SLCO1B3: variants seen among roughly 807,000 people sequenced by gnomAD.
The protein encoded by SLCO1B3 is solute carrier organic anion transporter family member 1B3, also known as liver-specific organic anion transporter 2.
SLCO1B3 carries 72 observed loss-of-function variants against 71.8 expected under a neutral mutation model. The observed-to-expected ratio is 1.00, with a 90% CI of 0.83 to 1.22. The LOEUF is 1.22. Among genes scored for constraint, SLCO1B3 ranks in the 50% most tolerant of loss-of-function variants. The probability of loss-of-function intolerance (pLI) is 0.00; values close to 1 mark genes in which losing one functional copy is unlikely to be tolerated. For missense variants in SLCO1B3, 911 were observed against 819.7 expected, an observed-to-expected ratio of 1.11 and a Z score of -1.36; for synonymous variants, 298 against 278.4, an observed-to-expected ratio of 1.07 and a Z score of -0.70.
chr12:20,874,389 A>C (rs1002777759), intron 8 of SLCO1B3, among the ~76,000 whole-genome samples: 3 of 152,100 alleles, frequency 2.0e-5, no homozygotes, highest in Non-Finnish European at 4.4e-5. Flanking sequence ...ATGTATAGCA[A>C]TCTCTCAGTT....
At chr12:20,830,409 T>A (rs1421925101) in intron 3 of SLCO1B3, among the ~76,000 whole-genome samples, 2 of 151,824 alleles carry the variant, frequency 1.3e-5, no homozygotes, top group East Asian at 3.9e-4. Context: ...GAAGGAGAGG[T>A]GAGGGTATGT....
intron 3 of SLCO1B3, among the ~76,000 whole-genome samples, chr12:20,817,868 C>A (rs934900690): frequency 3.3e-5 from 5 of 152,182 alleles, no homozygotes; most frequent in Non-Finnish European, 5.9e-5. Flanking sequence ...GGGATTACAG[C>A]TTGAGCCACC....
intron 3 of SLCO1B3, among the ~76,000 whole-genome samples, chr12:20,825,642 T>C (rs1008063242): frequency 6.6e-6 from 1 of 151,580 alleles, no homozygotes; most frequent in Non-Finnish European, 1.5e-5. Context: ...TTAATAAATA[T>C]ACAAAAATTA....
intron 3 of SLCO1B3, among the ~76,000 whole-genome samples, chr12:20,838,869 A>G (rs1037893514): frequency 9.9e-5 from 15 of 151,880 alleles, no homozygotes; most frequent in African/African-American, 2.7e-4. Context: ...CTATATTTGT[A>G]TTCCACTCTT....
At chr12:20,865,040 G>T (rs1865344154) in intron 8 of SLCO1B3, among the ~76,000 whole-genome samples, 2 of 152,030 alleles carry the variant, frequency 1.3e-5, no homozygotes, top group African/African-American at 4.8e-5. Flanking sequence ...GAGAATCCAG[G>T]AACCAAGATT....
intron 13 of SLCO1B3, among the ~76,000 whole-genome samples, chr12:20,896,739 G>A (rs540349356): frequency 2.0e-5 from 3 of 151,980 alleles, no homozygotes; most frequent in East Asian, 1.9e-4. Context: ...TTTTAGCAAC[G>A]TCCCACTCTA....
At chr12:20,836,736 G>A (rs576504315) in intron 3 of SLCO1B3, among the ~76,000 whole-genome samples, 10 of 152,070 alleles carry the variant, frequency 6.6e-5, no homozygotes, top group East Asian at 1.9e-4. Flanking sequence ...CTGCCTCCCT[G>A]GTTCATGCCA....
intron 5 of SLCO1B3, chr12:20,859,048 T>C (rs1469892822): frequency 6.6e-6 from 1 of 152,440 alleles, no homozygotes; most frequent in African/African-American, 2.4e-5. Flanking sequence ...TTAAATAAGA[T>C]AGAAGTTTAT....
At chr12:20,826,559 T>C (rs1864426467) in intron 3 of SLCO1B3, among the ~76,000 whole-genome samples, 1 of 151,860 alleles carries the variant, frequency 6.6e-6, no homozygotes, top group Admixed American at 6.6e-5. Context: ...GATCACTTTT[T>C]TTTTTACTCA....
intron 3 of SLCO1B3, among the ~76,000 whole-genome samples, chr12:20,850,514 C>T (rs1340306535): frequency 6.6e-6 from 1 of 152,044 alleles, no homozygotes; most frequent in Non-Finnish European, 1.5e-5. Flanking sequence ...GATCTCCTGA[C>T]CTCGTGATCC....
Position 20,901,395 on chromosome 12 carries a change from CAT to C in SLCO1B3, c.1794_1795del (p.Cys599TyrfsTer15), listed in dbSNP as rs766686725. On this transcript the variant is annotated frameshift_variant, in exon 15 of 16. Coordinates refer to ENST00000381545, the MANE Select transcript of SLCO1B3 (RefSeq NM_019844.4). LOFTEE classifies it high-confidence loss of function. ...TATTTTGGGGCTCTGATTGATAAAA[CAT>C]GTATGAAGTGGTCCACCAACAGCTG... The C allele has an allele frequency of 1.2e-4, 192 of 1,592,128 alleles. 2 individuals are homozygous for C. Among genetic ancestry groups the C allele is most frequent in the Admixed American group, 7.2e-4 (40 of 55,802 alleles).
chr12:20,818,608 A>C (rs560288579), intron 3 of SLCO1B3, among the ~76,000 whole-genome samples: 87 of 152,206 alleles, frequency 5.7e-4, no homozygotes, highest in African/African-American at 2.1e-3. Context: ...TAGCAGATGG[A>C]ATAGCAGATG....
rs762729525 is a variant in SLCO1B3, at chr12:20,862,781, T to G, written c.654T>G (p.Ile218Met). The change falls in exon 8 of 16, where the codon ATT becomes ATG. Residue 218 changes from isoleucine (I) to methionine (M), a missense_variant. Coordinates refer to ENST00000381545, the MANE Select transcript of SLCO1B3 (RefSeq NM_019844.4). ...YLGSLNAIGM[I>M]GPVIGFALGS... Reference sequence around the variant, plus strand: ...GTAGTTTGAATGCAATAGGAATGATTGGTCCAGTCATTGGCTTTGCACTGG... The same window carrying G: ...GTAGTTTGAATGCAATAGGAATGATGGGTCCAGTCATTGGCTTTGCACTGG... 6.2e-7 allele frequency: 1 copy of G among 1,611,710 alleles called. No individual in the cohort carries two copies. The highest frequency in any genetic ancestry group is 1.7e-5 in the Admixed American group (1 of 59,932).
At chr12:20,901,774 T>C in intron 15 of SLCO1B3, 1 of 327,168 alleles carries the variant, frequency 3.1e-6, no homozygotes, top group Non-Finnish European at 5.8e-6. Context: ...TGAATCTCTT[T>C]TGATTACAAA....
chr12:20,865,594 A>C (rs1275746523), intron 8 of SLCO1B3, among the ~76,000 whole-genome samples: 1 of 152,206 alleles, frequency 6.6e-6, no homozygotes, highest in Non-Finnish European at 1.5e-5. Flanking sequence ...ACTTATACAT[A>C]GTTTTTTTGA....
At chr12:20,905,345 TCTTTA>T (rs1866221547) in intron 15 of SLCO1B3, among the ~76,000 whole-genome samples, 1 of 152,220 alleles carries the variant, frequency 6.6e-6, no homozygotes, top group Non-Finnish European at 1.5e-5. Flanking sequence ...ATTTGGATCC[TCTTTA>T]CTTATGCAAA....
intron 12 of SLCO1B3, 83 bp from the exon 13 acceptor site, chr12:20,883,335 C>T (rs575672037): frequency 1.0e-4 from 78 of 748,002 alleles, no homozygotes; most frequent in Middle Eastern, 4.2e-4. Context: ...TAGTTTGAGA[C>T]TTCTTTAAAT....
intron 5 of SLCO1B3, among the ~76,000 whole-genome samples, chr12:20,859,836 TTTC>T (rs1371942711): frequency 6.6e-6 from 1 of 152,170 alleles, no homozygotes; most frequent in African/African-American, 2.4e-5. Context: ...CTTGAATACT[TTTC>T]TTCCTTTGTC....
intron 13 of SLCO1B3, among the ~76,000 whole-genome samples, chr12:20,890,704 G>A (rs934214351): frequency 2.0e-5 from 3 of 152,140 alleles, no homozygotes; most frequent in Non-Finnish European, 2.9e-5. Flanking sequence ...GTGCTCCAAT[G>A]TTGGGTTTAT....
Sources: gnomAD v4.1 joint callset for allele counts (sites outside exome capture counted in the v4.1 genomes callset) on GRCh38, gnomAD v4.1.1 for gene constraint, MANE v1.5 for transcripts, NCBI Gene and HGNC (gene_info 2026-07-23, HGNC 2026-07-21) for gene names.